SHISA9: variants seen among roughly 807,000 people sequenced by gnomAD.
The protein encoded by SHISA9 is protein shisa-9.
SHISA9 carries 13 observed loss-of-function variants against 38.0 expected under a neutral mutation model. The observed-to-expected ratio is 0.34, with a 90% CI of 0.22 to 0.54. SHISA9 has a LOEUF of 0.54. SHISA9 is among the 20% of genes least tolerant of loss of function. The probability of loss-of-function intolerance (pLI) is 0.91; values close to 1 mark genes in which losing one functional copy is unlikely to be tolerated. For synonymous variants in SHISA9, 275 were observed against 242.0 expected (o/e 1.14, Z -1.27); for missense variants, 538 against 575.8 (o/e 0.93, Z 0.67).
chr16:13,552,374 T>C, the SHISA9 span, among the ~76,000 whole-genome samples: 4 of 152,010 alleles, frequency 2.6e-5, no homozygotes, highest in African/African-American at 9.7e-5. Flanking sequence ...CCTGTCTATG[T>C]TCCGTTTGTA....
intron 2 of SHISA9, among the ~76,000 whole-genome samples, chr16:13,015,296 GC>G (rs2072727458): frequency 1.3e-5 from 2 of 152,200 alleles, no homozygotes; most frequent in Non-Finnish European, 2.9e-5. Flanking sequence ...TTAACTATCT[GC>G]CCCTTTCAGA....
chr16:13,461,067 G>T, the SHISA9 span, among the ~76,000 whole-genome samples: 1 of 152,162 alleles, frequency 6.6e-6, no homozygotes, highest in African/African-American at 2.4e-5. Context: ...AGACAGTTTT[G>T]ATTTGCTCAA....
the SHISA9 span, among the ~76,000 whole-genome samples, chr16:13,352,858 G>A: frequency 6.6e-6 from 1 of 151,868 alleles, no homozygotes; most frequent in African/African-American, 2.4e-5. Context: ...CTTTCACAAG[G>A]TAATGTCATC....
chr16:13,241,310 C>T (rs1032915945), downstream of SHISA9, among the ~76,000 whole-genome samples: 1 of 152,174 alleles, frequency 6.6e-6, no homozygotes, highest in Non-Finnish European at 1.5e-5. Context: ...AGGTCAGGAC[C>T]AGCCTGGCCA....
the SHISA9 span, among the ~76,000 whole-genome samples, chr16:13,376,373 A>C: frequency 6.6e-6 from 1 of 152,204 alleles, no homozygotes; most frequent in African/African-American, 2.4e-5. Flanking sequence ...AAGAATCTTC[A>C]GAAAGTGTGA....
chr16:13,167,077 T>C (rs1367518538), intron 2 of SHISA9, among the ~76,000 whole-genome samples: 7 of 144,980 alleles, frequency 4.8e-5, no homozygotes, highest in Middle Eastern at 6.9e-3. Flanking sequence ...TTTTTCTTTT[T>C]TTTTTTTTTT....
chr16:13,037,332 G>A (rs1231907385), intron 2 of SHISA9, among the ~76,000 whole-genome samples: 1 of 151,804 alleles, frequency 6.6e-6, no homozygotes, highest in Non-Finnish European at 1.5e-5. Flanking sequence ...TATTTTTTAC[G>A]TACAAAATTA....
chr16:13,089,108 C>T (rs563507439), intron 2 of SHISA9, among the ~76,000 whole-genome samples: 6 of 152,266 alleles, frequency 3.9e-5, no homozygotes, highest in Admixed American at 2.6e-4. Context: ...TGATGGATTA[C>T]GTTTATTGAT....
intron 4 of SHISA9, among the ~76,000 whole-genome samples, chr16:13,233,762 G>A (rs534282872): frequency 1.3e-5 from 2 of 152,354 alleles, no homozygotes; most frequent in South Asian, 4.1e-4. Flanking sequence ...GTAATCCCAA[G>A]CACTTTGGGA....
chr16:13,395,194 G>A, the SHISA9 span, among the ~76,000 whole-genome samples: 86 of 152,242 alleles, frequency 5.6e-4, no homozygotes, highest in Non-Finnish European at 1.1e-3. Flanking sequence ...TCGAGGAGCT[G>A]AGTCCCAATT....
At chr16:12,908,216 C>T (rs112401850) in intron 1 of SHISA9, among the ~76,000 whole-genome samples, 6 of 152,162 alleles carry the variant, frequency 3.9e-5, no homozygotes, top group African/African-American at 9.7e-5. Flanking sequence ...ATCTGGATCT[C>T]GGTTACTAAC....
chr16:12,983,482 G>A (rs2072266714), intron 2 of SHISA9, among the ~76,000 whole-genome samples: 1 of 152,162 alleles, frequency 6.6e-6, no homozygotes, highest in African/African-American at 2.4e-5. Flanking sequence ...GAGTCAGAGA[G>A]CAGAGAGTGG....
At chr16:13,047,670 G>A (rs952536736) in intron 2 of SHISA9, among the ~76,000 whole-genome samples, 2 of 152,088 alleles carry the variant, frequency 1.3e-5, no homozygotes, top group African/African-American at 4.8e-5. Context: ...AAAGTGAGAA[G>A]AAATAAACAT....
At chr16:13,171,273 C>T (rs1391201909) in intron 2 of SHISA9, among the ~76,000 whole-genome samples, 1 of 152,150 alleles carries the variant, frequency 6.6e-6, no homozygotes, top group African/African-American at 2.4e-5. Context: ...CCCACCAGGC[C>T]CCACCCCCAA....
At chr16:13,248,370 C>A in the SHISA9 span, among the ~76,000 whole-genome samples, 1 of 152,096 alleles carries the variant, frequency 6.6e-6, no homozygotes, top group Admixed American at 6.5e-5. Context: ...CTTCCCCCTT[C>A]TCCAAAAAAT....
At chr16:13,471,557 G>A in the SHISA9 span, among the ~76,000 whole-genome samples, 66 of 152,220 alleles carry the variant, frequency 4.3e-4, no homozygotes, top group African/African-American at 1.5e-3. Context: ...CTCCCTCTTT[G>A]CTTCCCCTGC....
At chr16:13,134,386 C>G (rs2050330161) in intron 2 of SHISA9, among the ~76,000 whole-genome samples, 1 of 152,110 alleles carries the variant, frequency 6.6e-6, no homozygotes, top group Admixed American at 6.5e-5. Context: ...CTCTTGAGTG[C>G]CTGACAATGT....
the SHISA9 span, among the ~76,000 whole-genome samples, chr16:13,317,396 A>T: frequency 6.6e-6 from 1 of 152,230 alleles, no homozygotes; most frequent in East Asian, 1.9e-4. Flanking sequence ...GGAGTTCTTC[A>T]AGAGGAAATT....
At chr16:13,115,063 T>C (rs1444701213) in intron 2 of SHISA9, among the ~76,000 whole-genome samples, 2 of 152,208 alleles carry the variant, frequency 1.3e-5, no homozygotes. Context: ...ATCATATTTA[T>C]GTATCTACCT....
Sources: allele counts gnomAD v4.1 joint callset (sites outside exome capture counted in the v4.1 genomes callset), GRCh38; gene constraint gnomAD v4.1.1; transcripts MANE v1.5; gene names NCBI Gene and HGNC (gene_info 2026-07-23, HGNC 2026-07-21).